The following RBPMS variants were observed in gnomAD, a reference collection of about 807,000 sequenced individuals.
RBPMS encodes RNA-binding protein with multiple splicing.
A neutral mutation model predicts 26.8 loss-of-function variants in RBPMS; 7 were observed. The ratio of observed to expected loss-of-function variants is 0.26; its 90% CI spans 0.15 to 0.49. The LOEUF (loss-of-function observed/expected upper bound fraction) is 0.49, where lower values mean the gene tolerates loss of function less well. Among genes scored for constraint, RBPMS ranks in the 20% least tolerant of loss-of-function variants. RBPMS has a pLI of 0.98. For missense variants in RBPMS, 186 were observed against 250.0 expected (o/e 0.74, Z 1.73); for synonymous variants, 96 against 93.3 (o/e 1.03, Z -0.17).
intron 5 of RBPMS, among the ~76,000 whole-genome samples, chr8:30,527,836 CCTTTT>C (rs1362229257): frequency 7.2e-5 from 11 of 152,112 alleles, no homozygotes; most frequent in African/African-American, 2.2e-4. Flanking sequence ...GTCAGCAGTC[CCTTTT>C]CTTGTTTCAC....
rs1046004771 is a variant in RBPMS, at chr8:30,557,111, CT to C, written c.529-1775del. ...TTTCCCTGATACTGGGGACCCTGCT[CT>C]AGCTGGTCATCTGATCGCTGGTCAT... On this transcript the variant is annotated intron_variant, in intron 6 of 8. Coordinates refer to ENST00000397323, the MANE Select transcript of RBPMS (RefSeq NM_001008710.3). 1.4e-3 allele frequency among the ~76,000 whole-genome samples: 213 copies of C among 152,352 alleles called. 1 individual carries two copies. Among genetic ancestry groups the C allele is most frequent in the African/African-American group, 5.0e-3 (210 of 41,586 alleles).
rs199703212 is a variant in RBPMS, at chr8:30,544,635, C to A, written c.528+11C>A. On this transcript the variant is annotated intron_variant, in intron 6 of 8. Transcript: ENST00000397323. ...TCACTGCATGCCCAGGTAATTGATA[C>A]CCATCGGCCAGGACTTCACTCACTT... The A allele has an allele frequency of 5.0e-4, 803 of 1,613,692 alleles. 1 individual carries two copies. The highest frequency in any genetic ancestry group is 6.5e-4 in the South Asian group (59 of 91,078).
intron 5 of RBPMS, chr8:30,537,790 C>T (rs1011530441): frequency 1.6e-5 from 6 of 369,498 alleles, no homozygotes; most frequent in Admixed American, 6.6e-5. Flanking sequence ...TCAGTAAACA[C>T]GAGCTCCTAC....
At chr8:30,463,296 G>C (rs538122557) in intron 1 of RBPMS, among the ~76,000 whole-genome samples, 3 of 152,294 alleles carry the variant, frequency 2.0e-5, no homozygotes, top group Middle Eastern at 3.4e-3. Context: ...GAGCAGCTTG[G>C]CTAGGTGGAT....
At chr8:30,546,467 G>A (rs1481778425) in intron 6 of RBPMS, among the ~76,000 whole-genome samples, 3 of 152,214 alleles carry the variant, frequency 2.0e-5, no homozygotes, top group African/African-American at 7.2e-5. Context: ...AGGGCCTAAA[G>A]AGTCTCAAGA....
chr8:30,518,715 T>TTTTTTTTTTTTTTTTTTTTTC (rs1554533805), intron 5 of RBPMS, among the ~76,000 whole-genome samples: 1 of 129,924 alleles, frequency 7.7e-6, no homozygotes, highest in African/African-American at 3.2e-5. Context: ...TTTTTTTTTT[T>TTTTTTTTTTTTTTTTTTTTTC]CTGAAAAGGA....
intron 1 of RBPMS, among the ~76,000 whole-genome samples, chr8:30,443,047 C>T (rs1274496454): frequency 6.6e-6 from 1 of 152,162 alleles, no homozygotes; most frequent in Non-Finnish European, 1.5e-5. Flanking sequence ...AATGAAAGCA[C>T]GTGCTTAAGT....
intron 1 of RBPMS, among the ~76,000 whole-genome samples, chr8:30,389,836 A>G (rs1807576128): frequency 6.6e-6 from 1 of 152,172 alleles, no homozygotes; most frequent in African/African-American, 2.4e-5. Context: ...TATTATACAT[A>G]TGTGGTTATA....
At chr8:30,561,806 GC>G in intron 7 of RBPMS, 1 of 957,742 alleles carries the variant, frequency 1.0e-6, no homozygotes, top group East Asian at 1.2e-4. Flanking sequence ...CTAAGGAAGG[GC>G]TTTTTTCCCC....
chr8:30,511,486 A>AAAAAAATATATATATAT (rs1821657057), intron 5 of RBPMS, among the ~76,000 whole-genome samples: 1 of 23,572 alleles, frequency 4.2e-5, no homozygotes, highest in African/African-American at 1.6e-4. Context: ...AAAAAAAAAA[A>AAAAAAATATATATATAT]ATATATATAT....
intron 1 of RBPMS, among the ~76,000 whole-genome samples, chr8:30,461,578 G>T (rs1433404148): frequency 6.6e-6 from 1 of 152,106 alleles, no homozygotes; most frequent in Non-Finnish European, 1.5e-5. Flanking sequence ...GTATTTTTTA[G>T]TAGAGACAGG....
intron 1 of RBPMS, among the ~76,000 whole-genome samples, chr8:30,385,839 A>T (rs896756631): frequency 6.6e-6 from 1 of 152,192 alleles, no homozygotes; most frequent in Non-Finnish European, 1.5e-5. Context: ...ACTTCTGAGC[A>T]TGCATTTTAG....
chr8:30,493,626 T>A (rs948897874), intron 4 of RBPMS, among the ~76,000 whole-genome samples: 1 of 152,176 alleles, frequency 6.6e-6, no homozygotes, highest in East Asian at 1.9e-4. Context: ...CCATGTAATA[T>A]TATCTATTTC....
At chr8:30,549,754 T>TCC (rs1466818613) in intron 6 of RBPMS, among the ~76,000 whole-genome samples, 1 of 113,806 alleles carries the variant, frequency 8.8e-6, no homozygotes, top group African/African-American at 4.1e-5. Context: ...TTCTTTCCTT[T>TCC]TCTTTTCTTT....
At chr8:30,530,650 C>A (rs1460806302) in intron 5 of RBPMS, among the ~76,000 whole-genome samples, 4 of 151,976 alleles carry the variant, frequency 2.6e-5, no homozygotes, top group Non-Finnish European at 5.9e-5. Context: ...TTAGTAGAGA[C>A]GGGGTTTCTC....
At chr8:30,565,592 T>C (rs1253408862) in intron 7 of RBPMS, 1 of 152,196 alleles carries the variant, frequency 6.6e-6, no homozygotes, top group Admixed American at 6.5e-5. Flanking sequence ...TAGAAACTGA[T>C]TCTTTGCTAG....
chr8:30,467,907 A>T (rs1816679572), intron 1 of RBPMS, among the ~76,000 whole-genome samples: 1 of 152,224 alleles, frequency 6.6e-6, no homozygotes, highest in South Asian at 2.1e-4. Flanking sequence ...ATAAATACAT[A>T]AAATGAAGGT....
chr8:30,449,715 G>C (rs1232692567), intron 1 of RBPMS, among the ~76,000 whole-genome samples: 2 of 152,190 alleles, frequency 1.3e-5, no homozygotes, highest in East Asian at 3.9e-4. Context: ...ACTGTCACCT[G>C]TACCTCACAC....
chr8:30,506,603 C>A (rs906444512), intron 5 of RBPMS, among the ~76,000 whole-genome samples: 1 of 152,124 alleles, frequency 6.6e-6, no homozygotes, highest in African/African-American at 2.4e-5. Context: ...AACCCACTTG[C>A]ATTGTACTCA....
Sources: allele counts gnomAD v4.1 joint callset (sites outside exome capture counted in the v4.1 genomes callset), GRCh38; gene constraint gnomAD v4.1.1; transcripts MANE v1.5; gene names NCBI Gene and HGNC (gene_info 2026-07-23, HGNC 2026-07-21).